Variants in CACNA1B observed in about 807,000 individuals in gnomAD.
CACNA1B encodes the protein calcium voltage-gated channel subunit alpha1 B.
In CACNA1B, 70 loss-of-function variants were observed where a neutral mutation model predicts 247.2. The observed-to-expected ratio is 0.28, with a 90% CI of 0.23 to 0.35. CACNA1B has a LOEUF of 0.35. Among genes scored for constraint, CACNA1B ranks in the 10% least tolerant of loss-of-function variants. The pLI, the probability that CACNA1B is intolerant of heterozygous loss-of-function variation, is 1.00. For missense variants in CACNA1B, 2,367 were observed against 3,197.4 expected, an observed-to-expected ratio of 0.74 and a Z score of 6.26; for synonymous variants, 1,231 against 1,294.4, an observed-to-expected ratio of 0.95 and a Z score of 1.05.
At chr9:137,890,452 G>C (rs2133239973) in intron 3 of CACNA1B, 1 of 150,314 alleles carries the variant, frequency 6.7e-6, no homozygotes, top group East Asian at 1.9e-4. Flanking sequence ...GACTGGACCA[G>C]GTGGTCTGTC....
intron 37 of CACNA1B, among the ~76,000 whole-genome samples, chr9:138,099,293 G>A (rs935316804): frequency 2.0e-5 from 3 of 152,204 alleles, no homozygotes; most frequent in Admixed American, 6.5e-5. Flanking sequence ...AGGCGCGCAC[G>A]TGTGTGCATG....
intron 3 of CACNA1B, among the ~76,000 whole-genome samples, chr9:137,903,112 G>A (rs369052310): frequency 3.9e-5 from 6 of 152,010 alleles, no homozygotes; most frequent in Admixed American, 1.3e-4. Context: ...ACTCTTCACC[G>A]GTGGCTCACG....
In CACNA1B at chr9:138,050,176, C is replaced by G. The variant is rs565481869; in HGVS notation, c.3710+861C>G. ...TCATTTCATCTCCAGCCTCACCCCC[C>G]GCCCATCCACTTTCACCCCATCGGG... is the stretch of plus-strand genomic sequence containing the variant. On this transcript the variant is annotated intron_variant, in intron 24 of 46. Transcript: ENST00000371372. The surrounding 1 kb of genome is among the most constrained non-coding windows in gnomAD (Gnocchi z 5.2). The G allele has an allele frequency of 2.0e-4, 189 of 963,616 alleles. No individual in the cohort carries two copies. The African/African-American group carries it at 2.9e-3, about 15-fold the overall frequency. 59.7% of individuals were successfully genotyped at this position (963,616 alleles called of 1,614,324 possible).
At position 137,913,290 on chromosome 9, in the gene CACNA1B, G is replaced by A; in HGVS notation, c.622+19G>A. On this transcript the variant is annotated intron_variant, in intron 4 of 46. Transcript: ENST00000371372. This position sits in a 1 kb window ranked among gnomAD's most constrained non-coding sequence, Gnocchi z 5.2. ...ATTCCAAGTGAGTCCAGCGAAGACA[G>A]GCCCAAGCCGGCTTGGAGTAACAAC... 6.3e-7 allele frequency: 1 copy of A among 1,588,422 alleles called. No individual in the cohort carries two copies. The highest frequency in any genetic ancestry group is 8.6e-7 in the Non-Finnish European group (1 of 1,156,980).
At position 138,012,164 on chromosome 9, in the gene CACNA1B, G is replaced by A. The variant is rs1958732602; in HGVS notation, c.2161-965G>A. ...ACTGCAAGTGGTCACCCAGGAGTGG[G>A]GGAGACAGGGAGAGGCTTCTGACAG... On this transcript the variant is annotated intron_variant, in intron 17 of 46. Transcript: ENST00000371372. The surrounding 1 kb of genome is among the most constrained non-coding windows in gnomAD (Gnocchi z 4.2). Among the ~76,000 whole-genome samples the A allele has an allele frequency of 6.6e-6, 1 of 152,208 alleles. No homozygotes were observed. The highest frequency in any genetic ancestry group is 2.4e-5 in the African/African-American group (1 of 41,452).
chr9:138,005,252 T>C (rs1308695586), intron 15 of CACNA1B, among the ~76,000 whole-genome samples: 1 of 152,238 alleles, frequency 6.6e-6, no homozygotes, highest in Admixed American at 6.5e-5. Flanking sequence ...ACAGAAAATA[T>C]GGTGTATATA....
At chr9:138,114,996 G>A (rs921384868) in intron 41 of CACNA1B, among the ~76,000 whole-genome samples, 2 of 152,154 alleles carry the variant, frequency 1.3e-5, no homozygotes, top group African/African-American at 4.8e-5. Context: ...TAGTCTGTCT[G>A]CTGGAAAATT....
intron 37 of CACNA1B, among the ~76,000 whole-genome samples, chr9:138,097,894 C>T (rs571229399): frequency 3.7e-4 from 57 of 152,306 alleles, no homozygotes; most frequent in Non-Finnish European, 7.6e-4. Context: ...TAGACTTCCC[C>T]ACCCTCCTTT....
Position 138,104,500 on chromosome 9 carries a change from T to C in CACNA1B, c.5320-1199T>C, listed in dbSNP as rs181676597. 2.8e-3 allele frequency among the ~76,000 whole-genome samples: 421 copies of C among 152,340 alleles called. 3 individuals are homozygous for C. The highest frequency in any genetic ancestry group is 4.2e-3 in the Non-Finnish European group (289 of 68,018). On this transcript the variant is annotated intron_variant, in intron 38 of 46. Transcript: ENST00000371372. The stretch of plus-strand genomic sequence containing the variant: ...TTACTCCTGTTGTGCTGCACACACA[T>C]GCTGTGCAAAGCCCTGGGACTAGGA...
rs1226389033 is a variant in CACNA1B at position 137,880,353 on chromosome 9, C to T, written c.390+1194C>T. Among the ~76,000 whole-genome samples the T allele has an allele frequency of 6.6e-6, 1 of 152,160 alleles. No homozygotes were observed. The highest frequency in any genetic ancestry group is 1.5e-5 in the Non-Finnish European group (1 of 68,034). ...CCATGAGGCAGGCGTGAGTCATGGT[C>T]CCTGTGGGGGACTTGGGCAGGACCC... On this transcript the variant is annotated intron_variant, in intron 2 of 46. Coordinates refer to ENST00000371372, the MANE Select transcript of CACNA1B (RefSeq NM_000718.4). The surrounding 1 kb of genome is among the most constrained non-coding windows in gnomAD (Gnocchi z 4.8).
chr9:137,943,593 G>A (rs1957759212), intron 6 of CACNA1B, among the ~76,000 whole-genome samples: 1 of 152,148 alleles, frequency 6.6e-6, no homozygotes, highest in African/African-American at 2.4e-5. Context: ...CTGAACAAAG[G>A]ATGACGAATG....
intron 20 of CACNA1B, among the ~76,000 whole-genome samples, chr9:138,036,435 G>A (rs762838809): frequency 5.9e-5 from 9 of 152,220 alleles, no homozygotes; most frequent in African/African-American, 1.9e-4. Context: ...CACCGCTCCC[G>A]GCCTTCCCCT....
At chr9:137,969,743 G>A (rs865976817) in intron 10 of CACNA1B, among the ~76,000 whole-genome samples, 36 of 152,340 alleles carry the variant, frequency 2.4e-4, no homozygotes, top group South Asian at 1.0e-3. Flanking sequence ...AAGCATGTGC[G>A]TGTGTGACTC....
intron 15 of CACNA1B, among the ~76,000 whole-genome samples, chr9:137,996,714 A>G (rs1378136490): frequency 6.6e-6 from 1 of 152,220 alleles, no homozygotes; most frequent in African/African-American, 2.4e-5. Context: ...CCAAGTTCAG[A>G]TAGTATGATA....
At chr9:138,075,373 C>T (rs1425084713) in intron 34 of CACNA1B, among the ~76,000 whole-genome samples, 2 of 152,206 alleles carry the variant, frequency 1.3e-5, no homozygotes, top group Non-Finnish European at 2.9e-5. Flanking sequence ...ATTTGCATTT[C>T]TTACTGTGGA....
rs968293719 is a variant in CACNA1B, at chr9:137,881,654, C to T, written c.391-1090C>T. On this transcript the variant is annotated intron_variant, in intron 2 of 46. Coordinates refer to ENST00000371372, the MANE Select transcript of CACNA1B (RefSeq NM_000718.4). This position sits in a 1 kb window ranked among gnomAD's most constrained non-coding sequence, Gnocchi z 4.3. The stretch of plus-strand genomic sequence containing the variant: ...ATGCAGCTCCCTCAGCCCAGCTTCC[C>T]GGGCTTGCCTTGCACAGGGCCTTTC... Among the ~76,000 whole-genome samples, 3 of 152,194 alleles carry T rather than the reference C, an allele frequency of 2.0e-5. No individual in the cohort carries two copies. The highest frequency in any genetic ancestry group is 2.1e-4 in the South Asian group (1 of 4,832).
At chr9:138,047,257 C>T in intron 22 of CACNA1B, 142 bp from the exon 23 acceptor site, 5 of 737,688 alleles carry the variant, frequency 6.8e-6, no homozygotes, top group Non-Finnish European at 1.1e-5. Flanking sequence ...TCAGAGACCC[C>T]CTTCCCAGAA....
At chr9:138,063,120 G>A (rs1959792163) in intron 31 of CACNA1B, among the ~76,000 whole-genome samples, 1 of 152,226 alleles carries the variant, frequency 6.6e-6, no homozygotes, top group South Asian at 2.1e-4. Flanking sequence ...CAGTGTGGTG[G>A]ACCAGTGTGG....
At chr9:137,916,801 G>A (rs868809874) in intron 5 of CACNA1B, among the ~76,000 whole-genome samples, 2 of 152,044 alleles carry the variant, frequency 1.3e-5, no homozygotes, top group Non-Finnish European at 1.5e-5. Context: ...GGCCGTGAGG[G>A]AGAGGTACAG....
Sources: allele counts gnomAD v4.1 joint callset (sites outside exome capture counted in the v4.1 genomes callset), GRCh38; gene constraint gnomAD v4.1.1; non-coding constraint Gnocchi (gnomAD v3.1); transcripts MANE v1.5; gene names NCBI Gene and HGNC (gene_info 2026-07-23, HGNC 2026-07-21).